PLEKHM1: variants seen among roughly 807,000 people sequenced by gnomAD.
The protein encoded by PLEKHM1 is pleckstrin homology and RUN domain containing M1.
PLEKHM1 carries 28 observed loss-of-function variants against 94.3 expected under a neutral mutation model. That is an observed-to-expected ratio of 0.30 (90% CI 0.22 to 0.41). The LOEUF (loss-of-function observed/expected upper bound fraction) is 0.41, where lower values mean the gene tolerates loss of function less well. Among genes scored for constraint, PLEKHM1 ranks in the 10% least tolerant of loss-of-function variants. The probability of loss-of-function intolerance (pLI) is 1.00; values close to 1 mark genes in which losing one functional copy is unlikely to be tolerated. For synonymous variants in PLEKHM1, 424 were observed against 581.2 expected (o/e 0.73, Z 3.89); for missense variants, 907 against 1,358.6 (o/e 0.67, Z 5.22).
At chr17:45,461,815 T>C (rs1186623705) in intron 5 of PLEKHM1, among the ~76,000 whole-genome samples, 2 of 152,112 alleles carry the variant, frequency 1.3e-5, no homozygotes, top group Admixed American at 1.3e-4. Flanking sequence ...CTGGGGAAGA[T>C]GGGGTTGCGG....
At position 45,436,343 on chromosome 17, in the gene PLEKHM1, T is replaced by C. The variant is rs1194991220; in HGVS notation, c.*1515A>G. Reference sequence around the variant, plus strand: ...GGCGTCTGGGCACAGGTGTGTGCCATGACCGGGAGAAGCTGTGCGCAGCCT... The same window carrying C: ...GGCGTCTGGGCACAGGTGTGTGCCACGACCGGGAGAAGCTGTGCGCAGCCT... On this transcript the variant is annotated 3_prime_UTR_variant, in exon 12 of 12. Coordinates refer to ENST00000430334, the MANE Select transcript of PLEKHM1 (RefSeq NM_014798.3). The C allele has an allele frequency of 2.2e-6, 1 of 454,176 alleles. No individual in the cohort carries two copies. 28.1% of individuals were successfully genotyped at this position (454,176 alleles called of 1,614,324 possible). A position where few individuals can be genotyped will look rare whatever the true frequency, so the allele number is the denominator to read the frequency against.
At chr17:45,435,620 G>A (rs1744865929), downstream of PLEKHM1, among the ~76,000 whole-genome samples, 1 of 152,222 alleles carries the variant, frequency 6.6e-6, no homozygotes, top group South Asian at 2.1e-4. Flanking sequence ...GGATCAGCTT[G>A]AGTTGTTATA....
chr17:45,441,170 G>A (rs1290152703), intron 9 of PLEKHM1: 1 of 152,208 alleles, frequency 6.6e-6, no homozygotes, highest in Non-Finnish European at 1.5e-5. Context: ...TACTGGGGGT[G>A]GGAGGTTACT....
intron 5 of PLEKHM1, among the ~76,000 whole-genome samples, chr17:45,465,756 G>A (rs1167122179): frequency 3.3e-5 from 5 of 151,938 alleles, no homozygotes; most frequent in African/African-American, 9.7e-5. Flanking sequence ...GAAGGAGTTC[G>A]CTTGGACTAT....
chr17:45,443,927 G>A (rs537381373), intron 9 of PLEKHM1, among the ~76,000 whole-genome samples: 1 of 152,130 alleles, frequency 6.6e-6, no homozygotes, highest in Non-Finnish European at 1.5e-5. Context: ...GGTCCCACAT[G>A]GTGGTCCCTG....
At chr17:45,480,177 C>T (rs1473130861) in intron 2 of PLEKHM1, among the ~76,000 whole-genome samples, 4 of 152,186 alleles carry the variant, frequency 2.6e-5, no homozygotes, top group Non-Finnish European at 5.9e-5. Flanking sequence ...ACCATCACCA[C>T]TACCTAATTT....
chr17:45,486,529 G>A (rs2052135285), intron 1 of PLEKHM1, among the ~76,000 whole-genome samples: 1 of 151,470 alleles, frequency 6.6e-6, no homozygotes. Flanking sequence ...AGCCAAGATT[G>A]TGCCACTGCA....
At chr17:45,462,819 T>A (rs913058451) in intron 5 of PLEKHM1, among the ~76,000 whole-genome samples, 4 of 152,142 alleles carry the variant, frequency 2.6e-5, no homozygotes, top group Non-Finnish European at 5.9e-5. Flanking sequence ...TGATGGATCA[T>A]GCCTGTAATC....
chr17:45,435,686 A>G (rs556307828), downstream of PLEKHM1, among the ~76,000 whole-genome samples: 94 of 152,294 alleles, frequency 6.2e-4, no homozygotes, highest in Non-Finnish European at 1.0e-3. Flanking sequence ...GAAGAGCCTG[A>G]CTGCTGGGCT....
rs2050823500 is a variant in PLEKHM1 at position 45,453,192 on chromosome 17, GGAGGA to G, written c.2497+158_2497+162del. Reference sequence around the variant, plus strand: ...GGGCACTGGCCCCAGCCGGGGCTGGGGAGGAGCAGAAGCTGTAGGGCAAGCCTGAT... The same window carrying G: ...GGGCACTGGCCCCAGCCGGGGCTGGGGCAGAAGCTGTAGGGCAAGCCTGAT... On this transcript the variant is annotated intron_variant, in intron 7 of 11. Transcript: ENST00000430334. This position sits in a 1 kb window ranked among gnomAD's most constrained non-coding sequence, Gnocchi z 4.1. 3.0e-6 allele frequency: 2 copies of G among 673,692 alleles called. No homozygotes were observed. The highest frequency in any genetic ancestry group is 5.5e-5 in the East Asian group (2 of 36,666). The allele number at this position is 673,692 out of a possible 1,614,324, so 41.7% of individuals were successfully genotyped here. A position where few individuals can be genotyped will look rare whatever the true frequency, so the allele number is the denominator to read the frequency against.
At chr17:45,469,922 A>C (rs1170332884) in intron 4 of PLEKHM1, among the ~76,000 whole-genome samples, 5 of 152,068 alleles carry the variant, frequency 3.3e-5, no homozygotes, top group African/African-American at 1.2e-4. Flanking sequence ...AAAATACAAA[A>C]ATTAGCCAGG....
At chr17:45,485,258 T>C (rs1391876398) in intron 1 of PLEKHM1, among the ~76,000 whole-genome samples, 2 of 152,166 alleles carry the variant, frequency 1.3e-5, no homozygotes, top group Non-Finnish European at 2.9e-5. Context: ...AGGCCTGGTC[T>C]TGAGGTCAGG....
At chr17:45,447,078 A>G (rs930482706) in intron 8 of PLEKHM1, among the ~76,000 whole-genome samples, 1 of 152,242 alleles carries the variant, frequency 6.6e-6, no homozygotes, top group Non-Finnish European at 1.5e-5. Flanking sequence ...CTCCTGGCAT[A>G]GGGCCTGGCA....
chr17:45,452,466 C>A (rs1310695353), intron 7 of PLEKHM1, among the ~76,000 whole-genome samples: 2 of 150,930 alleles, frequency 1.3e-5, no homozygotes, highest in South Asian at 2.1e-4. Flanking sequence ...TCTGCCTCTG[C>A]CACTTACTAG....
Position 45,444,711 on chromosome 17 carries a change from G to A in PLEKHM1, c.2837+759C>T, listed in dbSNP as rs541566476. Among the ~76,000 whole-genome samples the A allele has an allele frequency of 2.6e-5, 4 of 152,228 alleles. No homozygotes were observed. The highest frequency in any genetic ancestry group is 5.9e-5 in the Non-Finnish European group (4 of 67,994). ...GCGTGCCATTCCTTCTGTCTAGAAT[G>A]CTCTTTCCCCCTTTGCTTCTCCTTT... On this transcript the variant is annotated intron_variant, in intron 9 of 11. Coordinates refer to ENST00000430334, the MANE Select transcript of PLEKHM1 (RefSeq NM_014798.3). This position sits in a 1 kb window ranked among gnomAD's most constrained non-coding sequence, Gnocchi z 5.0.
chr17:45,487,399 A>C (rs2052162174), intron 1 of PLEKHM1, among the ~76,000 whole-genome samples: 1 of 152,216 alleles, frequency 6.6e-6, no homozygotes, highest in Admixed American at 6.5e-5. Flanking sequence ...TCCCTGGACC[A>C]AAAGGCCTCA....
intron 9 of PLEKHM1, chr17:45,440,498 A>G: frequency 1.7e-6 from 1 of 585,548 alleles, no homozygotes; most frequent in Non-Finnish European, 3.0e-6. Context: ...TAAGTAACTT[A>G]TTTAAAGCAT....
intron 6 of PLEKHM1, among the ~76,000 whole-genome samples, chr17:45,456,570 C>T (rs2050955039): frequency 6.6e-6 from 1 of 152,228 alleles, no homozygotes; most frequent in Non-Finnish European, 1.5e-5. Context: ...TGAAGCACAG[C>T]TTCGCTGGCA....
At chr17:45,446,391 C>T (rs557561941) in intron 8 of PLEKHM1, 3 of 153,204 alleles carry the variant, frequency 2.0e-5, no homozygotes, top group South Asian at 4.1e-4. Flanking sequence ...GATAAGGAAA[C>T]GGAGGCTTAG....
Sources: allele counts gnomAD v4.1 joint callset (sites outside exome capture counted in the v4.1 genomes callset), GRCh38; gene constraint gnomAD v4.1.1; non-coding constraint Gnocchi (gnomAD v3.1); transcripts MANE v1.5; gene names NCBI Gene and HGNC (gene_info 2026-07-23, HGNC 2026-07-21).